TOX2: variants seen among roughly 807,000 people sequenced by gnomAD.
TOX2 encodes the protein granulosa cell HMG box 1.
TOX2 carries 15 observed loss-of-function variants against 47.4 expected under a neutral mutation model. That is an observed-to-expected ratio of 0.32 (90% CI 0.21 to 0.49). TOX2 has a LOEUF of 0.49. Ranked by LOEUF, TOX2 falls within the 20% of genes least tolerant of loss-of-function variation. The pLI, the probability that TOX2 is intolerant of heterozygous loss-of-function variation, is 0.99. For synonymous variants in TOX2, 290 were observed against 296.6 expected, an observed-to-expected ratio of 0.98 and a Z score of 0.23; for missense variants, 622 against 673.1, an observed-to-expected ratio of 0.92 and a Z score of 0.84.
intron 1 of TOX2, among the ~76,000 whole-genome samples, chr20:43,931,237 C>G (rs762429386): frequency 6.6e-6 from 1 of 152,190 alleles, no homozygotes; most frequent in Non-Finnish European, 1.5e-5. Flanking sequence ...CTCCTGGGCT[C>G]AAGCGATCCT....
chr20:44,013,830 A>G (rs894604048), intron 3 of TOX2, among the ~76,000 whole-genome samples: 1 of 152,028 alleles, frequency 6.6e-6, no homozygotes. Flanking sequence ...ATATCTCGTG[A>G]TGAGAGGTGT....
chr20:44,068,275 G>A (rs532751321), intron 8 of TOX2, among the ~76,000 whole-genome samples: 1 of 152,184 alleles, frequency 6.6e-6, no homozygotes, highest in East Asian at 1.9e-4. Context: ...ACCCCAGCAG[G>A]GCCGTATTTT....
chr20:43,970,135 T>C (rs1023939618), intron 1 of TOX2, among the ~76,000 whole-genome samples: 2 of 152,186 alleles, frequency 1.3e-5, no homozygotes, highest in Non-Finnish European at 2.9e-5. Context: ...TGAATGCACT[T>C]GCAGCTAGTG....
intron 2 of TOX2, among the ~76,000 whole-genome samples, chr20:43,987,577 C>T (rs1390541298): frequency 6.6e-6 from 1 of 152,176 alleles, no homozygotes; most frequent in African/African-American, 2.4e-5. Flanking sequence ...ACAAGTATCT[C>T]AATTTTTAGA....
intron 3 of TOX2, among the ~76,000 whole-genome samples, chr20:44,044,177 A>C (rs1425158918): frequency 6.6e-6 from 1 of 152,238 alleles, no homozygotes; most frequent in African/African-American, 2.4e-5. Context: ...TATCGCAAGA[A>C]CAAAAAACCA....
At chr20:44,019,326 G>T (rs2070941979) in intron 3 of TOX2, among the ~76,000 whole-genome samples, 2 of 152,218 alleles carry the variant, frequency 1.3e-5, no homozygotes, top group Non-Finnish European at 2.9e-5. Flanking sequence ...AAGGTGGCTT[G>T]TCCAAAGACA....
intron 1 of TOX2, among the ~76,000 whole-genome samples, chr20:43,945,276 T>TGTTA (rs1463800403): frequency 5.9e-5 from 9 of 152,360 alleles, no homozygotes; most frequent in Admixed American, 1.3e-4. Context: ...ACACCGTTAT[T>TGTTA]GTTTTTATAA....
At chr20:44,006,893 C>T (rs550591010) in intron 3 of TOX2, 101 bp downstream of exon 3, 833 of 1,458,770 alleles carry the variant, frequency 5.7e-4, no homozygotes, top group Non-Finnish European at 7.3e-4. Flanking sequence ...ACTCTCTGCT[C>T]ATGGGCAGGG....
At position 44,069,027 on chromosome 20, in the gene TOX2, C is replaced by T. The variant is rs747866637; in HGVS notation, c.*341C>T. On this transcript the variant is annotated 3_prime_UTR_variant, in exon 9 of 9. Transcript: ENST00000341197. ...CCCAGCCCAGGTGGGCCGCCCCTGG[C>T]GGGGTCGCTTACCAACGGACACCCA... 390 of 443,584 alleles carry T rather than the reference C, an allele frequency of 8.8e-4. 1 individual carries two copies. The highest frequency in any genetic ancestry group is 1.2e-3 in the Non-Finnish European group (285 of 230,090). The allele number at this position is 443,584 out of a possible 1,614,324, so 27.5% of individuals were successfully genotyped here. A position where few individuals can be genotyped will look rare whatever the true frequency, so the allele number is the denominator to read the frequency against.
Position 43,943,010 on chromosome 20 carries a change from C to CA in TOX2, c.99+28021dup, listed in dbSNP as rs367751798. ...CCCTCCAACCCACATTAAATACCTC[C>CA]ACCTGAATATTTATTGCAACGGCAA... On this transcript the variant is annotated intron_variant, in intron 1 of 8. Transcript: ENST00000341197. Among the ~76,000 whole-genome samples the CA allele has an allele frequency of 6.3e-4, 96 of 152,304 alleles. 1 individual carries two copies. The highest frequency in any genetic ancestry group is 2.3e-3 in the African/African-American group (94 of 41,558).
At chr20:43,988,596 G>A (rs1273331481) in intron 2 of TOX2, among the ~76,000 whole-genome samples, 2 of 152,212 alleles carry the variant, frequency 1.3e-5, no homozygotes, top group Non-Finnish European at 2.9e-5. Context: ...TTTAGTTTCC[G>A]TTTATTTGCT....
intron 2 of TOX2, among the ~76,000 whole-genome samples, chr20:43,974,056 C>T (rs1335042070): frequency 6.6e-6 from 1 of 152,202 alleles, no homozygotes; most frequent in East Asian, 1.9e-4. Flanking sequence ...ATGTTTCTCT[C>T]AGCTGGGAGC....
chr20:43,986,534 A>C (rs2145526856), intron 2 of TOX2, among the ~76,000 whole-genome samples: 1 of 152,114 alleles, frequency 6.6e-6, no homozygotes, highest in Middle Eastern at 3.4e-3. Context: ...TGCCCACCCC[A>C]GCCTCCCAAA....
At chr20:44,058,262 T>C (rs2071657199) in intron 5 of TOX2, among the ~76,000 whole-genome samples, 1 of 152,210 alleles carries the variant, frequency 6.6e-6, no homozygotes, top group East Asian at 1.9e-4. Flanking sequence ...ATAAACTCGG[T>C]GCTGTTGGGG....
intron 1 of TOX2, among the ~76,000 whole-genome samples, chr20:43,939,992 G>A (rs566309010): frequency 8.0e-4 from 122 of 152,270 alleles, no homozygotes; most frequent in Non-Finnish European, 1.6e-3. Flanking sequence ...TTTCCTTAGG[G>A]AAAATGAAGT....
intron 1 of TOX2, among the ~76,000 whole-genome samples, chr20:43,971,429 G>A (rs937567942): frequency 9.9e-5 from 15 of 152,218 alleles, no homozygotes; most frequent in South Asian, 2.1e-4. Context: ...GCTGGGGCTG[G>A]CATCTGAGCC....
intron 1 of TOX2, among the ~76,000 whole-genome samples, chr20:43,962,460 G>C (rs2069779247): frequency 6.6e-6 from 1 of 152,216 alleles, no homozygotes. Flanking sequence ...CCCATGGCTG[G>C]GGCGAGATTC....
In TOX2 at chr20:44,048,417, T is replaced by TATATATATATAA. The variant is rs1388097590; in HGVS notation, c.412-2888_412-2887insTATATATATAAA. ...ATATATATATATATATATATATGTA[T>TATATATATATAA]AATTTACCAAAACTGACTCGAGAGA... On this transcript the variant is annotated intron_variant, in intron 3 of 8. Coordinates refer to ENST00000341197, the MANE Select transcript of TOX2 (RefSeq NM_001098797.2). Among the ~76,000 whole-genome samples, 17 of 139,604 alleles carry TATATATATATAA rather than the reference T, an allele frequency of 1.2e-4. 1 individual carries two copies. The highest frequency in any genetic ancestry group is 4.5e-4 in the African/African-American group (17 of 37,632). 91.6% of individuals were successfully genotyped at this position (139,604 alleles called of 152,430 possible). A position where few individuals can be genotyped will look rare whatever the true frequency, so the allele number is the denominator to read the frequency against.
chr20:43,923,247 A>G (rs560463744), intron 1 of TOX2, among the ~76,000 whole-genome samples: 1 of 152,336 alleles, frequency 6.6e-6, no homozygotes, highest in South Asian at 2.1e-4. Context: ...GCCTGGAACC[A>G]GGGGTACGGT....
Sources: allele counts gnomAD v4.1 joint callset (sites outside exome capture counted in the v4.1 genomes callset), GRCh38; gene constraint gnomAD v4.1.1; transcripts MANE v1.5; gene names NCBI Gene and HGNC (gene_info 2026-07-23, HGNC 2026-07-21).